RDH10: variants seen among roughly 807,000 people sequenced by gnomAD.
RDH10 encodes retinol dehydrogenase 10.
In RDH10, 12 loss-of-function variants were observed where a neutral mutation model predicts 30.2. The ratio of observed to expected loss-of-function variants is 0.40; its 90% CI spans 0.25 to 0.64. The LOEUF (loss-of-function observed/expected upper bound fraction) is 0.64, where lower values mean the gene tolerates loss of function less well. RDH10 is among the 30% of genes least tolerant of loss of function. The pLI is 0.43. For missense variants in RDH10, 268 were observed against 445.2 expected, an observed-to-expected ratio of 0.60 and a Z score of 3.58; for synonymous variants, 189 against 172.2, an observed-to-expected ratio of 1.10 and a Z score of -0.76.
rs1294101478 is a variant in RDH10, at chr8:73,323,395, A to C, written c.*359A>C. On this transcript the variant is annotated 3_prime_UTR_variant, in exon 6 of 6. Transcript: ENST00000240285. ...GTGTGTGATTTTTCAGAATTCCCAG[A>C]GTTTACTCATTCTTGTTATTAAACT... is the stretch of plus-strand genomic sequence containing the variant. 1.1e-5 allele frequency: 2 copies of C among 179,322 alleles called. No individual in the cohort carries two copies. The highest frequency in any genetic ancestry group is 5.4e-5 in the Admixed American group (1 of 18,586). The allele number at this position is 179,322 out of a possible 1,614,324, so 11.1% of individuals were successfully genotyped here.
At chr8:73,319,013 A>C (rs937264553) in intron 2 of RDH10, 83 bp from the exon 3 acceptor site, 1 of 810,512 alleles carries the variant, frequency 1.2e-6, no homozygotes, top group Admixed American at 2.3e-5. Flanking sequence ...CATGTGAATA[A>C]AAGTTTGTTT....
chr8:73,322,002 T>A, intron 4 of RDH10: 1 of 456,186 alleles, frequency 2.2e-6, no homozygotes, highest in Non-Finnish European at 4.4e-6. Context: ...TGTTTTCCTC[T>A]TATGTACTTG....
chr8:73,299,654 C>T (rs1814342296), intron 2 of RDH10, among the ~76,000 whole-genome samples: 1 of 152,178 alleles, frequency 6.6e-6, no homozygotes, highest in Admixed American at 6.5e-5. Context: ...TAAACTTTTA[C>T]CTACACCAGG....
Position 73,322,789 on chromosome 8 carries a change from A to G in RDH10, c.881A>G (p.Tyr294Cys), listed in dbSNP as rs1368522051. 1 of 1,614,036 alleles carries G rather than the reference A, an allele frequency of 6.2e-7. No individual in the cohort carries two copies. The highest frequency in any genetic ancestry group is 8.5e-7 in the Non-Finnish European group (1 of 1,180,022). The change falls in exon 5 of 6, where the codon TAC (tyrosine) becomes TGC (cysteine). Residue 294 changes from tyrosine (Y) to cysteine (C), a missense_variant. Around this residue, in one of 4 missense-constraint regions of RDH10, gnomAD observed 136 missense variants for 288.8 expected, o/e 0.47. Coordinates refer to ENST00000240285, the MANE Select transcript of RDH10 (RefSeq NM_172037.5). ...QPMICTPRLM[Y>C]IVTFMKSILP... ...ATGATCTGCACTCCCCGCCTCATGT[A>G]CATCGTGACCTTCATGAAGAGGTAA... is the stretch of plus-strand genomic sequence containing the variant.
chr8:73,307,275 G>A (rs1287783682), intron 2 of RDH10, among the ~76,000 whole-genome samples: 1 of 152,188 alleles, frequency 6.6e-6, no homozygotes, highest in Admixed American at 6.5e-5. Flanking sequence ...TGAAGCAACT[G>A]CTTAGCAGTG....
chr8:73,319,768 A>G (rs1051341908), intron 3 of RDH10, among the ~76,000 whole-genome samples: 1 of 152,208 alleles, frequency 6.6e-6, no homozygotes, highest in African/African-American at 2.4e-5. Context: ...CCTTGCCAAA[A>G]CTGAGCTATC....
chr8:73,297,285 G>C lies in RDH10; in HGVS notation c.381G>C (p.Leu127=). 1 of 1,614,092 alleles carries C rather than the reference G, an allele frequency of 6.2e-7. No homozygotes were observed. The highest frequency in any genetic ancestry group is 8.5e-7 in the Non-Finnish European group (1 of 1,179,922). ...TGGGGAAGAGGGAGAACGTCTACCT[G>C]ACGGCTGAAAGAGTCCGCAAGGAGG... ...CDVGKRENVY[L]TAERVRKEVG... is the part of the protein sequence containing the mutation. The change falls in exon 2 of 6, where the codon CTG becomes CTC. Residue 127 remains leucine (L), a synonymous_variant. Transcript: ENST00000240285.
intron 2 of RDH10, among the ~76,000 whole-genome samples, chr8:73,307,238 G>A (rs2130365462): frequency 6.6e-6 from 1 of 152,258 alleles, no homozygotes; most frequent in East Asian, 1.9e-4. Flanking sequence ...CGTCATCTAG[G>A]ACTTGGGATG....
intron 2 of RDH10, chr8:73,312,033 G>A (rs1416833163): frequency 2.0e-5 from 3 of 152,060 alleles, no homozygotes; most frequent in Non-Finnish European, 2.9e-5. Flanking sequence ...TTCTGTGGTC[G>A]AAGTAAAATG....
intron 2 of RDH10, among the ~76,000 whole-genome samples, chr8:73,299,609 T>C (rs1814341572): frequency 6.6e-6 from 1 of 152,228 alleles, no homozygotes; most frequent in Non-Finnish European, 1.5e-5. Context: ...TTTTCTCCCG[T>C]AACCTTTGAC....
chr8:73,295,580 T>C lies in RDH10; in HGVS notation c.289+2T>C. The C allele has an allele frequency of 6.6e-7, 1 of 1,505,084 alleles. No individual in the cohort carries two copies. Among genetic ancestry groups the C allele is most frequent in the Non-Finnish European group, 8.9e-7 (1 of 1,128,806 alleles). 93.2% of individuals were successfully genotyped at this position (1,505,084 alleles called of 1,614,324 possible). A position where few individuals can be genotyped will look rare whatever the true frequency, so the allele number is the denominator to read the frequency against. On this transcript the variant is annotated splice_donor_variant, in intron 1 of 5. Coordinates refer to ENST00000240285, the MANE Select transcript of RDH10 (RefSeq NM_172037.5). LOFTEE classifies it high-confidence loss of function. ...CGGCCGACGCCGCTGCGCTGCAAGG[T>C]AACCTGGACCCGCGCGGGAGCATTG...
In RDH10 at chr8:73,295,378, A is replaced by G. The variant is rs1399017399; in HGVS notation, c.89A>G (p.Lys30Arg). 2.6e-6 allele frequency: 4 copies of G among 1,558,190 alleles called. No individual in the cohort carries two copies. The East Asian group carries it at 7.2e-5, about 28-fold the overall frequency. The change falls in exon 1 of 6, where the codon AAG (lysine) becomes AGG (arginine). Residue 30 changes from lysine (K) to arginine (R), a missense_variant. Around this residue, in one of 4 missense-constraint regions of RDH10, gnomAD observed 44 missense variants for 42.1 expected, o/e 1.04. Coordinates refer to ENST00000240285, the MANE Select transcript of RDH10 (RefSeq NM_172037.5). ...GCGGCGCGCTGGCTGGTGCGGCCCA[A>G]GGAGAAGAGCGTGGCGGGCCAGGTG... ...LAAARWLVRPKEKSVAGQVCL... is the reference protein window; with the variant it reads ...LAAARWLVRPREKSVAGQVCL...
intron 2 of RDH10, chr8:73,312,919 C>T (rs758965582): frequency 6.6e-6 from 1 of 152,190 alleles, no homozygotes; most frequent in Admixed American, 6.6e-5. Flanking sequence ...GATCACAGGA[C>T]AGTCGTGTAT....
chr8:73,320,475 G>GTTTT (rs55892941), intron 3 of RDH10, among the ~76,000 whole-genome samples: 1 of 137,422 alleles, frequency 7.3e-6, no homozygotes, highest in Non-Finnish European at 1.6e-5. Flanking sequence ...TTTTGTTTTT[G>GTTTT]TTTTTTTTTT....
intron 2 of RDH10, among the ~76,000 whole-genome samples, chr8:73,301,763 A>G (rs557683492): frequency 6.6e-6 from 1 of 152,304 alleles, no homozygotes; most frequent in East Asian, 1.9e-4. Flanking sequence ...CTCAAGAAAG[A>G]AAAAGGTGAG....
chr8:73,302,640 G>A (rs563271711), intron 2 of RDH10, among the ~76,000 whole-genome samples: 117 of 152,288 alleles, frequency 7.7e-4, no homozygotes, highest in African/African-American at 2.6e-3. Flanking sequence ...AGCTGAGATC[G>A]CAACACTGCA....
chr8:73,304,414 G>T (rs1040057055), intron 2 of RDH10, among the ~76,000 whole-genome samples: 2 of 152,126 alleles, frequency 1.3e-5, no homozygotes, highest in African/African-American at 4.8e-5. Flanking sequence ...TCTTGAAAGT[G>T]CCTCTGATCT....
intron 2 of RDH10, among the ~76,000 whole-genome samples, chr8:73,302,999 G>C (rs923576608): frequency 1.3e-5 from 2 of 152,152 alleles, no homozygotes; most frequent in Non-Finnish European, 2.9e-5. Context: ...GACTAAATCT[G>C]TCAAATAGCT....
Position 73,322,662 on chromosome 8 carries a change from GAATA to G in RDH10, c.771-11_771-8del. The G allele has an allele frequency of 6.3e-7, 1 of 1,599,614 alleles. No individual in the cohort carries two copies. The highest frequency in any genetic ancestry group is 2.2e-5 in the East Asian group (1 of 44,748). ...TGTGTTAATTTTTCATTTTGTTTTTGAATAAATAACTTTCAGGAAAGAAATTGAG... is the reference window on the plus strand; with the variant it reads ...TGTGTTAATTTTTCATTTTGTTTTTGAATAACTTTCAGGAAAGAAATTGAG... On this transcript the variant is annotated splice_polypyrimidine_tract_variant and intron_variant, in intron 4 of 5. Coordinates refer to ENST00000240285, the MANE Select transcript of RDH10 (RefSeq NM_172037.5).
Sources: allele counts gnomAD v4.1 joint callset (sites outside exome capture counted in the v4.1 genomes callset), GRCh38; gene constraint gnomAD v4.1.1; regional missense constraint gnomAD v4.1.1; transcripts MANE v1.5; gene names NCBI Gene and HGNC (gene_info 2026-07-23, HGNC 2026-07-21).